Variants in PPP2R3A observed in about 807,000 individuals in gnomAD.
PPP2R3A encodes the protein serine/threonine-protein phosphatase 2A regulatory subunit B'' subunit alpha.
Under a neutral mutation model 106.9 loss-of-function variants are expected in PPP2R3A, and 80 were observed. The observed-to-expected ratio is 0.75, with a 90% confidence interval of 0.62 to 0.90. The LOEUF is 0.90. PPP2R3A is among the 40% of genes least tolerant of loss of function. The pLI, the probability that PPP2R3A is intolerant of heterozygous loss-of-function variation, is 0.00. For synonymous variants in PPP2R3A, 483 were observed against 468.3 expected, an observed-to-expected ratio of 1.03 and a Z score of -0.41; for missense variants, 1,386 against 1,350.4, an observed-to-expected ratio of 1.03 and a Z score of -0.41.
At chr3:136,033,395 C>T (rs1934974781) in intron 3 of PPP2R3A, among the ~76,000 whole-genome samples, 2 of 152,140 alleles carry the variant, frequency 1.3e-5, no homozygotes. Context: ...GTGATGCCGG[C>T]TTCATAGAAT....
At chr3:135,986,391 C>T (rs763590964) in intron 1 of PPP2R3A, among the ~76,000 whole-genome samples, 9 of 152,114 alleles carry the variant, frequency 5.9e-5, no homozygotes, top group Non-Finnish European at 1.2e-4. Flanking sequence ...GCCTGGCTAA[C>T]CCACAGAGCC....
At chr3:136,048,755 C>T (rs755472625) in intron 4 of PPP2R3A, among the ~76,000 whole-genome samples, 2 of 151,802 alleles carry the variant, frequency 1.3e-5, no homozygotes, top group Admixed American at 6.6e-5. Flanking sequence ...ATATGTTACT[C>T]AGAAATATCA....
Position 136,040,975 on chromosome 3 carries a change from G to C in PPP2R3A, c.2366+13G>C, listed in dbSNP as rs540353404. 3 of 1,607,354 alleles carry C rather than the reference G, an allele frequency of 1.9e-6. No individual in the cohort carries two copies. The highest frequency in any genetic ancestry group is 2.6e-6 in the Non-Finnish European group (3 of 1,175,340). On this transcript the variant is annotated intron_variant, in intron 4 of 13. Coordinates refer to ENST00000264977, the MANE Select transcript of PPP2R3A (RefSeq NM_002718.5). ...CCATGTGGAGAAAGTAAGTATGTGA[G>C]CAGTCTCTCTGGAGCTAGGCAAAGA...
At position 136,070,471 on chromosome 3, in the gene PPP2R3A, T is replaced by C. The variant is rs371003604; in HGVS notation, c.2470-7T>C. On this transcript the variant is annotated splice_polypyrimidine_tract_variant and splice_region_variant and intron_variant, in intron 5 of 13. Coordinates refer to ENST00000264977, the MANE Select transcript of PPP2R3A (RefSeq NM_002718.5). ...GTTAATTTAGTTTTGGTTTTGATCT[T>C]TTTCAGGATGTGGTGGATACCCACC... The C allele has an allele frequency of 1.9e-6, 3 of 1,590,752 alleles. No homozygotes were observed. In the African/African-American group the frequency reaches 4.1e-5, roughly 22 times the overall value.
At chr3:136,014,809 C>T (rs1442029063) in intron 2 of PPP2R3A, among the ~76,000 whole-genome samples, 1 of 151,978 alleles carries the variant, frequency 6.6e-6, no homozygotes, top group Non-Finnish European at 1.5e-5. Flanking sequence ...ATTTGGATGC[C>T]CTTTATTTCT....
At chr3:136,066,757 T>TG (rs1325861057) in intron 5 of PPP2R3A, among the ~76,000 whole-genome samples, 1 of 152,000 alleles carries the variant, frequency 6.6e-6, no homozygotes. Flanking sequence ...AAGAGGACAA[T>TG]GCTAGATCGT....
intron 13 of PPP2R3A, among the ~76,000 whole-genome samples, chr3:136,136,045 CAAAAAAAAAAAAAAAA>C (rs34558229): frequency 1.3e-4 from 3 of 22,364 alleles, no homozygotes; most frequent in African/African-American, 4.9e-4. Context: ...GACTCCGTCT[CAAAAAAAAAAAAAAAA>C]AAAAAAAAAA....
At position 136,002,304 on chromosome 3, in the gene PPP2R3A, A is replaced by T; in HGVS notation, c.806A>T (p.Asp269Val). The stretch of plus-strand genomic sequence containing the variant: ...AGCATCAGTGAAGGAAGTGGTAATG[A>T]TACAATTTCTAGCTCTGAAACTGTC... ...GSSISEGSGN[D>V]TISSSETVYM... The change falls in exon 2 of 14, where the codon GAT becomes GTT. Residue 269 changes from aspartate to valine, a missense_variant. Coordinates refer to ENST00000264977, the MANE Select transcript of PPP2R3A (RefSeq NM_002718.5). 1 of 1,613,780 alleles carries T rather than the reference A, an allele frequency of 6.2e-7. No individual in the cohort carries two copies. The highest frequency in any genetic ancestry group is 1.7e-5 in the Admixed American group (1 of 60,006).
intron 2 of PPP2R3A, 51 bp downstream of exon 2, chr3:136,003,544 G>GT: frequency 1.4e-6 from 2 of 1,476,814 alleles, no homozygotes; most frequent in Non-Finnish European, 1.8e-6. Flanking sequence ...AATGTTTAGT[G>GT]TTTGAAAATT....
intron 5 of PPP2R3A, among the ~76,000 whole-genome samples, chr3:136,054,253 C>CTTTTTTTTTTTTTTTTTTTTTTTTT (rs35801926): frequency 5.0e-5 from 4 of 80,728 alleles, no homozygotes; most frequent in Non-Finnish European, 6.6e-5. Flanking sequence ...CTTCACAATT[C>CTTTTTTTTTTTTTTTTTTTTTTTTT]TTTTTTTTTT....
Position 136,001,260 on chromosome 3 carries a change from T to C in PPP2R3A, c.-239T>C, listed in dbSNP as rs564705002. On this transcript the variant is annotated 5_prime_UTR_variant, in exon 2 of 14. Coordinates refer to ENST00000264977, the MANE Select transcript of PPP2R3A (RefSeq NM_002718.5). ...AGTATCATAATATTACTAAATAAAA[T>C]TAAAAAGCACAATTATTAAATTATT... 3 of 476,878 alleles carry C rather than the reference T, an allele frequency of 6.3e-6. No homozygotes were observed. The highest frequency in any genetic ancestry group is 1.1e-5 in the Non-Finnish European group (3 of 273,642). 29.5% of individuals were successfully genotyped at this position (476,878 alleles called of 1,614,324 possible). A position where few individuals can be genotyped will look rare whatever the true frequency, so the allele number is the denominator to read the frequency against.
rs780808479 is a variant in PPP2R3A at position 136,146,582 on chromosome 3, TCCTG to T, written c.*1421_*1424del. On this transcript the variant is annotated 3_prime_UTR_variant, in exon 14 of 14. Transcript: ENST00000264977. ...CAGTGAGAGTTAACAATCCTAGGAA[TCCTG>T]CCTGTCACAAGCTCCCAGTTCCCTG... 1.6e-4 allele frequency: 25 copies of T among 152,214 alleles called. No homozygotes were observed. Among genetic ancestry groups the T allele is most frequent in the Non-Finnish European group, 2.5e-4 (17 of 68,012 alleles). 9.4% of individuals were successfully genotyped at this position (152,214 alleles called of 1,614,324 possible). A position where few individuals can be genotyped will look rare whatever the true frequency, so the allele number is the denominator to read the frequency against.
Position 136,002,298 on chromosome 3 carries a change from G to A in PPP2R3A, c.800G>A (p.Gly267Asp). The A allele has an allele frequency of 3.7e-6, 6 of 1,613,762 alleles. No homozygotes were observed. Among genetic ancestry groups the A allele is most frequent in the East Asian group, 2.2e-5 (1 of 44,868 alleles). The change falls in exon 2 of 14, where the codon GGT becomes GAT. Residue 267 changes from glycine to aspartate, a missense_variant. Physicochemically the swap from Gly to Asp is moderately conservative, Grantham distance 94. Coordinates refer to ENST00000264977, the MANE Select transcript of PPP2R3A (RefSeq NM_002718.5). Reference protein sequence around the residue: ...KSGSSISEGSGNDTISSSETV... With the variant: ...KSGSSISEGSDNDTISSSETV... ...GGGAGTAGCATCAGTGAAGGAAGTGGTAATGATACAATTTCTAGCTCTGAA... is the reference window on the plus strand; with the variant it reads ...GGGAGTAGCATCAGTGAAGGAAGTGATAATGATACAATTTCTAGCTCTGAA...
Position 136,014,154 on chromosome 3 carries a change from A to G in PPP2R3A, c.1995+10661A>G, listed in dbSNP as rs193196798. Among the ~76,000 whole-genome samples, 44 of 152,146 alleles carry G rather than the reference A, an allele frequency of 2.9e-4. 1 individual carries two copies. Among genetic ancestry groups the G allele is most frequent in the African/African-American group, 9.6e-4 (40 of 41,528 alleles). On this transcript the variant is annotated intron_variant, in intron 2 of 13. Transcript: ENST00000264977. ...TGTCAAGGATCAGTTGGTTGTAAGT[A>G]TTTGGCTTTATTTCTGGGTTCTCCA...
intron 13 of PPP2R3A, among the ~76,000 whole-genome samples, chr3:136,130,315 A>G (rs1049711056): frequency 4.6e-5 from 7 of 152,244 alleles, no homozygotes; most frequent in Non-Finnish European, 8.8e-5. Flanking sequence ...AACTTCAGCA[A>G]AGTCTCAGGA....
At chr3:136,028,439 T>C (rs181140262) in intron 3 of PPP2R3A, among the ~76,000 whole-genome samples, 5 of 152,364 alleles carry the variant, frequency 3.3e-5, no homozygotes, top group Non-Finnish European at 7.3e-5. Flanking sequence ...AGCTTATCTG[T>C]TTCCATTCCA....
At chr3:136,068,977 C>G (rs758793606) in intron 5 of PPP2R3A, among the ~76,000 whole-genome samples, 2 of 152,142 alleles carry the variant, frequency 1.3e-5, no homozygotes, top group East Asian at 1.9e-4. Flanking sequence ...AATGGAGAGA[C>G]AGTCTACAGA....
chr3:136,030,780 ATGTATGTATGTATGTATG>A (rs1205363665), intron 3 of PPP2R3A, among the ~76,000 whole-genome samples: 8 of 91,072 alleles, frequency 8.8e-5, no homozygotes, highest in African/African-American at 2.7e-4. Context: ...ATATATATAT[ATGTATGTATGTATGTATG>A]TATGTATGTA....
At chr3:136,124,373 C>T (rs1938107446) in intron 13 of PPP2R3A, among the ~76,000 whole-genome samples, 3 of 151,950 alleles carry the variant, frequency 2.0e-5, no homozygotes, top group Non-Finnish European at 4.4e-5. Context: ...GTTCTAGCTG[C>T]CTGAGAGGCT....
Sources: allele counts gnomAD v4.1 joint callset (sites outside exome capture counted in the v4.1 genomes callset), GRCh38; gene constraint gnomAD v4.1.1; transcripts MANE v1.5; gene names NCBI Gene and HGNC (gene_info 2026-07-23, HGNC 2026-07-21).